Variants in GMDS observed in about 807,000 individuals in gnomAD.
GMDS encodes the protein GDP-mannose 4,6 dehydratase.
Under a neutral mutation model 49.9 loss-of-function variants are expected in GMDS, and 20 were observed. The ratio of observed to expected loss-of-function variants is 0.40; its 90% CI spans 0.28 to 0.58. The LOEUF is 0.58. GMDS is among the 20% of genes least tolerant of loss of function. The pLI is 0.42. For missense variants in GMDS, 362 were observed against 481.4 expected, an observed-to-expected ratio of 0.75 and a Z score of 2.32; for synonymous variants, 177 against 178.6, an observed-to-expected ratio of 0.99 and a Z score of 0.07.
chr6:1,819,137 C>G (rs1770786868), intron 7 of GMDS, among the ~76,000 whole-genome samples: 2 of 152,012 alleles, frequency 1.3e-5, no homozygotes, highest in East Asian at 1.9e-4. Flanking sequence ...ACAAATGAGT[C>G]TACATTTTCT....
chr6:1,936,108 T>C (rs1013036429), intron 6 of GMDS, among the ~76,000 whole-genome samples: 6 of 152,168 alleles, frequency 3.9e-5, no homozygotes, highest in Admixed American at 3.3e-4. Context: ...ACACACTATG[T>C]TAGTTATGCA....
At chr6:2,085,368 G>T (rs1437446652) in intron 4 of GMDS, among the ~76,000 whole-genome samples, 1 of 151,880 alleles carries the variant, frequency 6.6e-6, no homozygotes, top group Admixed American at 6.6e-5. Flanking sequence ...AAAAAATCGG[G>T]TTTCTTTTCT....
chr6:2,220,758 T>C (rs942475802), intron 1 of GMDS, among the ~76,000 whole-genome samples: 3 of 152,082 alleles, frequency 2.0e-5, no homozygotes, highest in Non-Finnish European at 4.4e-5. Flanking sequence ...TATGAAAATA[T>C]TTCAAAATCG....
At chr6:1,826,804 T>A (rs1337259689) in intron 7 of GMDS, among the ~76,000 whole-genome samples, 1 of 152,144 alleles carries the variant, frequency 6.6e-6, no homozygotes, top group Non-Finnish European at 1.5e-5. Flanking sequence ...TGGTGGCTCA[T>A]GCCTGTAATA....
chr6:1,742,625 C>T (rs1270569095), intron 7 of GMDS, 39 bp from the exon 8 acceptor site: 2 of 1,057,004 alleles, frequency 1.9e-6, no homozygotes, highest in South Asian at 1.3e-5. Flanking sequence ...TGAAGTCACA[C>T]TCAGTGGCCA....
intron 1 of GMDS, among the ~76,000 whole-genome samples, chr6:2,159,251 G>A (rs1184937851): frequency 6.6e-6 from 1 of 152,138 alleles, no homozygotes; most frequent in African/African-American, 2.4e-5. Context: ...GACCTCCTGT[G>A]CAGTCAGAAA....
At chr6:2,021,027 A>C (rs1184510832) in intron 4 of GMDS, among the ~76,000 whole-genome samples, 1 of 152,194 alleles carries the variant, frequency 6.6e-6, no homozygotes, top group African/African-American at 2.4e-5. Context: ...GATGGTCTTG[A>C]GCTTCCTCCT....
rs1391916225 is a variant in GMDS at position 1,766,593 on chromosome 6, A to G, written c.772-24007T>C. ...AGGAGGGTCTAAGGTGGGCCTCGCT[A>G]CTCCAGTGCCTCCGGAGCCCAGGGA... is the stretch of plus-strand genomic sequence containing the variant. On this transcript the variant is annotated intron_variant, in intron 7 of 10. Coordinates refer to ENST00000380815, the MANE Select transcript of GMDS (RefSeq NM_001500.4). The surrounding 1 kb of genome is among the most constrained non-coding windows in gnomAD (Gnocchi z 4.5). Among the ~76,000 whole-genome samples the G allele has an allele frequency of 2.0e-5, 3 of 151,906 alleles. No individual in the cohort carries two copies. The highest frequency in any genetic ancestry group is 2.9e-5 in the Non-Finnish European group (2 of 67,966).
intron 9 of GMDS, among the ~76,000 whole-genome samples, chr6:1,683,617 C>T (rs928478622): frequency 1.3e-5 from 2 of 152,088 alleles, no homozygotes; most frequent in African/African-American, 4.8e-5. Context: ...GGATGAGGAT[C>T]GGTTATTACA....
At chr6:1,690,203 T>C (rs1297404427) in intron 9 of GMDS, among the ~76,000 whole-genome samples, 2 of 152,204 alleles carry the variant, frequency 1.3e-5, no homozygotes, top group Admixed American at 1.3e-4. Context: ...AAAACATCTT[T>C]TGCTGTGCAA....
intron 7 of GMDS, among the ~76,000 whole-genome samples, chr6:1,877,645 A>C (rs1376826225): frequency 0.065 from 2,652 of 40,978 alleles, 50 homozygotes; most frequent in Admixed American, 0.19. Flanking sequence ...CTCAAAAATT[A>C]AAAAAAAAAA....
chr6:1,964,418 C>T (rs1384414687), intron 4 of GMDS, among the ~76,000 whole-genome samples: 2 of 152,080 alleles, frequency 1.3e-5, no homozygotes, highest in Non-Finnish European at 2.9e-5. Context: ...AGGCATTTTG[C>T]GAGTATATAT....
chr6:1,703,396 A>G (rs1359884296), intron 9 of GMDS, among the ~76,000 whole-genome samples: 2 of 152,194 alleles, frequency 1.3e-5, no homozygotes, highest in Non-Finnish European at 2.9e-5. Context: ...AAGTGGTAAC[A>G]CAGCATATCC....
At chr6:1,652,055 G>A (rs4959143) in intron 9 of GMDS, among the ~76,000 whole-genome samples, 2 of 151,816 alleles carry the variant, frequency 1.3e-5, no homozygotes, top group East Asian at 3.9e-4. Flanking sequence ...AACTGAGAGA[G>A]CTAAGATCAG....
intron 6 of GMDS, among the ~76,000 whole-genome samples, chr6:1,948,233 A>T (rs1409940693): frequency 6.6e-6 from 1 of 152,222 alleles, no homozygotes; most frequent in Non-Finnish European, 1.5e-5. Flanking sequence ...GAACCACTTA[A>T]AAAGGGGAAC....
At chr6:1,930,585 A>T (rs1385562304) in intron 6 of GMDS, 2 of 177,484 alleles carry the variant, frequency 1.1e-5, no homozygotes, top group African/African-American at 4.7e-5. Flanking sequence ...GGTTGTATAA[A>T]GGGAAATGCC....
chr6:1,914,466 CA>C (rs551319674), intron 7 of GMDS, among the ~76,000 whole-genome samples: 2,649 of 104,118 alleles, frequency 0.025, 70 homozygotes, highest in African/African-American at 0.082. Flanking sequence ...GACTCTGTCT[CA>C]AAAAAAAAAA....
At chr6:2,151,766 C>T (rs947907572) in intron 1 of GMDS, among the ~76,000 whole-genome samples, 2 of 152,062 alleles carry the variant, frequency 1.3e-5, no homozygotes, top group Non-Finnish European at 2.9e-5. Context: ...TTTAAGACAT[C>T]TGTGTACTGT....
chr6:2,026,405 G>GGAT (rs1768600308), intron 4 of GMDS, among the ~76,000 whole-genome samples: 2 of 152,120 alleles, frequency 1.3e-5, no homozygotes, highest in South Asian at 4.1e-4. Flanking sequence ...TGGAAAATAA[G>GGAT]GATAATAATA....
Sources: allele counts gnomAD v4.1 joint callset (sites outside exome capture counted in the v4.1 genomes callset), GRCh38; gene constraint gnomAD v4.1.1; non-coding constraint Gnocchi (gnomAD v3.1); transcripts MANE v1.5; gene names NCBI Gene and HGNC (gene_info 2026-07-23, HGNC 2026-07-21).